Variants in NRG2 observed in about 807,000 individuals in gnomAD.
NRG2 encodes the protein neuregulin 2.
Under a neutral mutation model 73.9 loss-of-function variants are expected in NRG2, and 27 were observed. That is an observed-to-expected ratio of 0.37 (90% CI 0.27 to 0.50). NRG2 has a LOEUF of 0.50. NRG2 is among the 20% of genes least tolerant of loss of function. NRG2 has a pLI of 0.96. For missense variants in NRG2, 1,126 were observed against 1,210.1 expected (o/e 0.93, Z 1.03); for synonymous variants, 532 against 541.0 (o/e 0.98, Z 0.23).
chr5:139,877,846 G>A (rs1581840614), intron 3 of NRG2, among the ~76,000 whole-genome samples: 1 of 152,244 alleles, frequency 6.6e-6, no homozygotes, highest in African/African-American at 2.4e-5. Context: ...GTTGCATGAT[G>A]TAAAGCTTGG....
intron 1 of NRG2, among the ~76,000 whole-genome samples, chr5:139,895,971 AG>A (rs1376484117): frequency 6.6e-6 from 1 of 152,230 alleles, no homozygotes; most frequent in Non-Finnish European, 1.5e-5. Flanking sequence ...AGGGCCAAGA[AG>A]GGGATCCCAG....
At chr5:140,035,568 A>G (rs1203696714) in intron 1 of NRG2, among the ~76,000 whole-genome samples, 1 of 152,238 alleles carries the variant, frequency 6.6e-6, no homozygotes, top group Admixed American at 6.5e-5. Context: ...AACTTTTGGG[A>G]TACCAAATTG....
chr5:139,927,949 T>G (rs1459605104), intron 1 of NRG2, among the ~76,000 whole-genome samples: 1 of 152,068 alleles, frequency 6.6e-6, no homozygotes, highest in African/African-American at 2.4e-5. Flanking sequence ...GAGGTCAAGA[T>G]GTGGTCTTTA....
intron 1 of NRG2, among the ~76,000 whole-genome samples, chr5:139,924,696 G>C (rs1751923498): frequency 6.6e-6 from 1 of 152,080 alleles, no homozygotes; most frequent in Non-Finnish European, 1.5e-5. Context: ...CTTTTTTGGG[G>C]AGGCTCAGCT....
At chr5:139,979,461 C>G (rs192860964) in intron 1 of NRG2, among the ~76,000 whole-genome samples, 73 of 152,272 alleles carry the variant, frequency 4.8e-4, no homozygotes, top group African/African-American at 1.7e-3. Flanking sequence ...GTCAGCCTCC[C>G]GAAAATCTCC....
intron 1 of NRG2, among the ~76,000 whole-genome samples, chr5:139,953,278 G>T (rs1754362702): frequency 6.6e-6 from 1 of 152,160 alleles, no homozygotes; most frequent in Non-Finnish European, 1.5e-5. Flanking sequence ...CTTTGTGACT[G>T]GGGCTGAAGG....
rs1226434705 is a variant in NRG2, at chr5:139,852,668, C to A, written c.1417-109G>T. On this transcript the variant is annotated intron_variant, in intron 7 of 9. Transcript: ENST00000361474. The surrounding 1 kb of genome is among the most constrained non-coding windows in gnomAD (Gnocchi z 4.4). ...CTGACTGAGCTCCTGGTTGGGGAGA[C>A]CCACTGTGTGAGAGTGACTTGATGT... The A allele has an allele frequency of 4.0e-6, 6 of 1,507,304 alleles. No individual in the cohort carries two copies. The highest frequency in any genetic ancestry group is 4.5e-6 in the Non-Finnish European group (5 of 1,109,614). The allele number at this position is 1,507,304 out of a possible 1,614,324, so 93.4% of individuals were successfully genotyped here.
intron 4 of NRG2, among the ~76,000 whole-genome samples, chr5:139,866,150 G>C (rs1762454595): frequency 6.6e-6 from 1 of 152,204 alleles, no homozygotes; most frequent in Non-Finnish European, 1.5e-5. Context: ...TTCCCAGACT[G>C]TGTATGTCTT....
chr5:139,937,730 A>AT (rs1470700634), intron 1 of NRG2, among the ~76,000 whole-genome samples: 1 of 152,240 alleles, frequency 6.6e-6, no homozygotes, highest in Admixed American at 6.5e-5. Flanking sequence ...AATGTAAACC[A>AT]TATCATTTGC....
At chr5:139,969,901 G>C (rs1204706191) in intron 1 of NRG2, among the ~76,000 whole-genome samples, 1 of 152,212 alleles carries the variant, frequency 6.6e-6, no homozygotes, top group East Asian at 1.9e-4. Context: ...TGCAAATGGA[G>C]TGTGCTATCA....
chr5:139,974,497 G>A (rs1189393850), intron 1 of NRG2, among the ~76,000 whole-genome samples: 1 of 152,212 alleles, frequency 6.6e-6, no homozygotes, highest in Non-Finnish European at 1.5e-5. Context: ...GTGATTGTGA[G>A]GATGATGAGC....
chr5:139,927,448 G>A (rs1299950771), intron 1 of NRG2, among the ~76,000 whole-genome samples: 1 of 152,080 alleles, frequency 6.6e-6, no homozygotes, highest in Non-Finnish European at 1.5e-5. Flanking sequence ...AAGTCCTCTA[G>A]TTCCCTGTTC....
Position 139,852,491 on chromosome 5 carries a change from C to T in NRG2, c.1485G>A (p.Gly495=). Reference sequence around the variant, plus strand: ...GGTGAGAAGGAGAACAGGAGTGGCTCCCAGAGAAGGTGGTCTCAGTTTCTC... The same window carrying T: ...GGTGAGAAGGAGAACAGGAGTGGCTTCCAGAGAAGGTGGTCTCAGTTTCTC... ...IRRETETTFS[G]SHSCSPSHHC... The change falls in exon 8 of 10, where the codon GGG becomes GGA. Residue 495 remains glycine (G), a synonymous_variant. Coordinates refer to ENST00000361474, the MANE Select transcript of NRG2 (RefSeq NM_004883.3). The surrounding 1 kb of genome is among the most constrained non-coding windows in gnomAD (Gnocchi z 4.4). The T allele has an allele frequency of 1.2e-6, 2 of 1,614,036 alleles. No homozygotes were observed. Among genetic ancestry groups the T allele is most frequent in the Non-Finnish European group, 1.7e-6 (2 of 1,179,986 alleles).
chr5:139,931,105 G>A (rs1752438172), intron 1 of NRG2, among the ~76,000 whole-genome samples: 1 of 152,108 alleles, frequency 6.6e-6, no homozygotes, highest in Admixed American at 6.5e-5. Context: ...TTCCTCATAT[G>A]GAAAATGAGG....
At chr5:139,974,195 C>G (rs1032619138) in intron 1 of NRG2, among the ~76,000 whole-genome samples, 4 of 152,040 alleles carry the variant, frequency 2.6e-5, no homozygotes, top group African/African-American at 9.7e-5. Flanking sequence ...CTCCCCAACC[C>G]CAAATAGTTT....
intron 1 of NRG2, among the ~76,000 whole-genome samples, chr5:139,992,434 A>T (rs1286324293): frequency 6.6e-6 from 1 of 152,130 alleles, no homozygotes; most frequent in East Asian, 1.9e-4. Context: ...CAAAATGACC[A>T]TTTAATTTCC....
chr5:139,855,843 G>A (rs1761773939), intron 5 of NRG2, 65 bp from the exon 6 acceptor site: 3 of 1,306,006 alleles, frequency 2.3e-6, no homozygotes, highest in Non-Finnish European at 3.3e-6. Flanking sequence ...TAGTGGTGCA[G>A]AGACCCCTTT....
intron 1 of NRG2, among the ~76,000 whole-genome samples, chr5:140,026,919 G>A (rs1276977885): frequency 2.0e-5 from 3 of 152,124 alleles, no homozygotes; most frequent in Non-Finnish European, 4.4e-5. Flanking sequence ...TTAAGACCCC[G>A]GAAAGATCAA....
intron 1 of NRG2, among the ~76,000 whole-genome samples, chr5:139,896,146 T>C (rs1382646774): frequency 6.6e-6 from 1 of 152,152 alleles, no homozygotes; most frequent in Non-Finnish European, 1.5e-5. Flanking sequence ...CTGGGATACA[T>C]GCAAAGCCAT....
Sources: gnomAD v4.1 joint callset for allele counts (sites outside exome capture counted in the v4.1 genomes callset) on GRCh38, gnomAD v4.1.1 for gene constraint, Gnocchi (gnomAD v3.1) non-coding constraint, MANE v1.5 for transcripts, NCBI Gene and HGNC (gene_info 2026-07-23, HGNC 2026-07-21) for gene names.